FAF1: variants seen among roughly 807,000 people sequenced by gnomAD.
The protein encoded by FAF1 is FAS-associated factor 1.
Under a neutral mutation model 92.5 loss-of-function variants are expected in FAF1, and 25 were observed. The observed-to-expected ratio is 0.27, with a 90% CI of 0.20 to 0.38. FAF1 has a LOEUF of 0.38. Ranked by LOEUF, FAF1 falls within the 10% of genes least tolerant of loss-of-function variation. The pLI is 1.00. For missense variants in FAF1, 636 were observed against 793.3 expected (o/e 0.80, Z 2.38); for synonymous variants, 234 against 273.2 (o/e 0.86, Z 1.42).
At chr1:50,617,197 T>C (rs142760654) in intron 8 of FAF1, among the ~76,000 whole-genome samples, 2 of 152,096 alleles carry the variant, frequency 1.3e-5, no homozygotes, top group African/African-American at 2.4e-5. Flanking sequence ...GTGGTGAGAG[T>C]AGGCATCCTT....
chr1:50,495,266 C>T (rs1224743962), intron 15 of FAF1, among the ~76,000 whole-genome samples: 1 of 152,144 alleles, frequency 6.6e-6, no homozygotes, highest in African/African-American at 2.4e-5. Flanking sequence ...CCCCACTGCC[C>T]TCCCTAGCCT....
chr1:50,460,808 A>ATGTGTGTGTG (rs61176999), intron 18 of FAF1, among the ~76,000 whole-genome samples: 6 of 146,910 alleles, frequency 4.1e-5, no homozygotes, highest in Non-Finnish European at 4.5e-5. Flanking sequence ...GTATTTGTAT[A>ATGTGTGTGTG]TGTGTGTGTG....
chr1:50,699,373 T>C (rs890619621), intron 7 of FAF1, among the ~76,000 whole-genome samples: 3 of 152,042 alleles, frequency 2.0e-5, no homozygotes, highest in Admixed American at 6.6e-5. Context: ...ATAACTTTGG[T>C]TAATAATCAG....
intron 13 of FAF1, among the ~76,000 whole-genome samples, chr1:50,549,027 C>G (rs1158272514): frequency 6.6e-6 from 1 of 152,192 alleles, no homozygotes; most frequent in African/African-American, 2.4e-5. Context: ...CCACCCCCAT[C>G]TCTCCAAATT....
At chr1:50,820,864 T>C (rs1449774278) in intron 2 of FAF1, among the ~76,000 whole-genome samples, 1 of 152,188 alleles carries the variant, frequency 6.6e-6, no homozygotes, top group Non-Finnish European at 1.5e-5. Context: ...TGTGTGTGTG[T>C]GTACACATAC....
intron 13 of FAF1, among the ~76,000 whole-genome samples, chr1:50,554,962 CA>C (rs1649497503): frequency 6.6e-6 from 1 of 151,918 alleles, no homozygotes; most frequent in Non-Finnish European, 1.5e-5. Context: ...TCTGTCTGCA[CA>C]AACAATGAGA....
intron 14 of FAF1, 21 bp from the exon 15 acceptor site, chr1:50,535,478 C>T (rs1408464821): frequency 7.0e-7 from 1 of 1,424,084 alleles, no homozygotes; most frequent in Non-Finnish European, 9.8e-7. Context: ...ATAGAGATTG[C>T]CAAACTTTTA....
chr1:50,895,693 A>G (rs1164459787), intron 1 of FAF1, among the ~76,000 whole-genome samples: 1 of 152,228 alleles, frequency 6.6e-6, no homozygotes, highest in Non-Finnish European at 1.5e-5. Context: ...ATCATTCATC[A>G]TGACCAAGTG....
Position 50,507,728 on chromosome 1 carries a change from A to G in FAF1, c.1495-15927T>C, listed in dbSNP as rs139014048. Among the ~76,000 whole-genome samples, 580 of 152,324 alleles carry G rather than the reference A, an allele frequency of 3.8e-3. 9 individuals carry two copies. Among genetic ancestry groups the G allele is most frequent in the African/African-American group, 0.013 (536 of 41,572 alleles). On this transcript the variant is annotated intron_variant, in intron 15 of 18. Transcript: ENST00000396153. ...GAAACCCTGTCTTAAAAAAGAAAAA[A>G]GGTAAGAACTTGTCTCAATTTCTTC... is the stretch of plus-strand genomic sequence containing the variant.
chr1:50,868,859 G>A (rs1041807661), intron 1 of FAF1, among the ~76,000 whole-genome samples: 2 of 152,070 alleles, frequency 1.3e-5, no homozygotes, highest in African/African-American at 4.8e-5. Context: ...ATATAAATGT[G>A]TATTCTATCT....
chr1:50,581,683 G>A (rs1165735035), intron 12 of FAF1, among the ~76,000 whole-genome samples: 1 of 152,198 alleles, frequency 6.6e-6, no homozygotes, highest in East Asian at 1.9e-4. Context: ...GCCAATGTGA[G>A]AGAAGGGGAG....
intron 4 of FAF1, among the ~76,000 whole-genome samples, chr1:50,765,687 C>A (rs1321729515): frequency 6.6e-6 from 1 of 152,178 alleles, no homozygotes; most frequent in East Asian, 1.9e-4. Flanking sequence ...CCTCTATGGG[C>A]TTCTGGACCT....
chr1:50,759,859 T>A (rs1660251291), intron 4 of FAF1, among the ~76,000 whole-genome samples: 1 of 152,224 alleles, frequency 6.6e-6, no homozygotes, highest in Non-Finnish European at 1.5e-5. Flanking sequence ...TGGTGTGAGA[T>A]GGTAACTCAT....
At chr1:50,874,680 C>T (rs1179655932) in intron 1 of FAF1, among the ~76,000 whole-genome samples, 2 of 151,824 alleles carry the variant, frequency 1.3e-5, no homozygotes, top group African/African-American at 4.8e-5. Context: ...ATATTTCAAA[C>T]CCACTTTCTA....
At chr1:50,776,697 G>A (rs563014647) in intron 4 of FAF1, among the ~76,000 whole-genome samples, 1 of 151,852 alleles carries the variant, frequency 6.6e-6, no homozygotes, top group East Asian at 1.9e-4. Flanking sequence ...AAAATCTGAG[G>A]TAATTTTAAG....
At chr1:50,902,349 A>G (rs1013652462) in intron 1 of FAF1, among the ~76,000 whole-genome samples, 1 of 152,204 alleles carries the variant, frequency 6.6e-6, no homozygotes, top group Non-Finnish European at 1.5e-5. Context: ...AATACACACT[A>G]CATTTCTTAG....
rs182873684 is a variant in FAF1 at position 50,566,717 on chromosome 1, A to C, written c.1268+360T>G. 9.7e-4 allele frequency among the ~76,000 whole-genome samples: 148 copies of C among 152,196 alleles called. 3 individuals are homozygous for C. The highest frequency in any genetic ancestry group is 9.6e-3 in the Admixed American group (146 of 15,274). On this transcript the variant is annotated intron_variant, in intron 13 of 18. Coordinates refer to ENST00000396153, the MANE Select transcript of FAF1 (RefSeq NM_007051.3). The stretch of plus-strand genomic sequence containing the variant: ...CTTCACTGAAGTTATTAAAAAATAA[A>C]CTTACTACTAGGATTATATATTAGA...
intron 2 of FAF1, among the ~76,000 whole-genome samples, chr1:50,852,576 A>T (rs1644359769): frequency 1.3e-5 from 2 of 152,188 alleles, no homozygotes; most frequent in South Asian, 4.1e-4. Flanking sequence ...TACAGAGAAG[A>T]AAAGCATACT....
chr1:50,807,450 G>A (rs1180788021), intron 2 of FAF1, among the ~76,000 whole-genome samples: 1 of 152,170 alleles, frequency 6.6e-6, no homozygotes, highest in Admixed American at 6.5e-5. Context: ...GAGACTCAAG[G>A]GGGAAGTGCC....
Sources: gnomAD v4.1 joint callset for allele counts (sites outside exome capture counted in the v4.1 genomes callset) on GRCh38, gnomAD v4.1.1 for gene constraint, MANE v1.5 for transcripts, NCBI Gene and HGNC (gene_info 2026-07-23, HGNC 2026-07-21) for gene names.